Variants in SFI1 observed in about 807,000 individuals in gnomAD.
The protein encoded by SFI1 is protein SFI1 homolog.
SFI1 carries 195 observed loss-of-function variants against 207.5 expected under a neutral mutation model. The observed-to-expected ratio is 0.94, with a 90% CI of 0.84 to 1.06. The LOEUF is 1.06. Among genes scored for constraint, SFI1 ranks in the 50% least tolerant of loss-of-function variants. The pLI, the probability that SFI1 is intolerant of heterozygous loss-of-function variation, is 0.00. For missense variants in SFI1, 1,634 were observed against 1,588.0 expected, an observed-to-expected ratio of 1.03 and a Z score of -0.49; for synonymous variants, 630 against 598.9, an observed-to-expected ratio of 1.05 and a Z score of -0.76.
chr22:31,511,464 G>GTTTT (rs758898165), intron 2 of SFI1, among the ~76,000 whole-genome samples: 16,115 of 113,120 alleles, frequency 0.14, 1,831 homozygotes, highest in East Asian at 0.29. Flanking sequence ...CATAGTTTCT[G>GTTTT]TTTTTTTTTT....
Position 31,616,560 on chromosome 22 carries a change from CCT to C in SFI1, c.3301-184_3301-183del, listed in dbSNP as rs1238657325. 4.6e-5 allele frequency: 27 copies of C among 587,720 alleles called. 1 individual carries two copies. The South Asian group carries it at 6.6e-4, about 14-fold the overall frequency. The allele number at this position is 587,720 out of a possible 1,614,324, so 36.4% of individuals were successfully genotyped here. ...GGGACTTTCCCCTACAGTACCAGGC[CCT>C]GTGTGCAGGGGCAGGCTAGACACTG... is the stretch of plus-strand genomic sequence containing the variant. On this transcript the variant is annotated intron_variant, in intron 29 of 32. Transcript: ENST00000400288.
In SFI1 at chr22:31,618,420, G is replaced by A. The variant is rs775314748; in HGVS notation, c.*2G>A. Reference sequence around the variant, plus strand: ...GCCCTGCGGCAGGCCCTGTGCTAGCGTGTTCGCACCAGGAACGCAGGTGCT... The same window carrying A: ...GCCCTGCGGCAGGCCCTGTGCTAGCATGTTCGCACCAGGAACGCAGGTGCT... On this transcript the variant is annotated 3_prime_UTR_variant, in exon 33 of 33. Transcript: ENST00000400288. The A allele has an allele frequency of 3.6e-5, 56 of 1,567,366 alleles. No homozygotes were observed. In the Admixed American group the frequency reaches 4.5e-4, roughly 13 times the overall value.
In SFI1 at chr22:31,530,793, T is replaced by C. The variant is rs2058444828; in HGVS notation, c.267-265T>C. ...AACAAAAGAATTATTATGTACTTCC[T>C]GTACCTCATTTTTGAAGTTTTTAAT... is the stretch of plus-strand genomic sequence containing the variant. On this transcript the variant is annotated intron_variant, in intron 3 of 32. Transcript: ENST00000400288. 1.0e-5 allele frequency: 5 copies of C among 482,078 alleles called. No homozygotes were observed. In the South Asian group the frequency reaches 1.1e-4, roughly 10 times the overall value. The allele number at this position is 482,078 out of a possible 1,614,324, so 29.9% of individuals were successfully genotyped here.
chr22:31,589,617 T>G, intron 15 of SFI1, 40 bp downstream of exon 15: 1 of 1,581,930 alleles, frequency 6.3e-7, no homozygotes, highest in South Asian at 1.2e-5. Context: ...GGCAGGTGTT[T>G]CAAATCTAAC....
intron 2 of SFI1, among the ~76,000 whole-genome samples, chr22:31,524,827 C>T (rs2057721444): frequency 6.6e-6 from 1 of 150,888 alleles, no homozygotes; most frequent in Admixed American, 6.7e-5. Flanking sequence ...TGGAGTCTTA[C>T]TCTGTCACCC....
intron 1 of SFI1, among the ~76,000 whole-genome samples, chr22:31,503,489 G>A: frequency 6.6e-6 from 1 of 151,386 alleles, no homozygotes; most frequent in Non-Finnish European, 1.5e-5. Flanking sequence ...TAACCTTATG[G>A]TTCGTTCCTT....
chr22:31,518,597 C>T (rs543733050), intron 2 of SFI1, among the ~76,000 whole-genome samples: 1 of 152,214 alleles, frequency 6.6e-6, no homozygotes, highest in South Asian at 2.1e-4. Flanking sequence ...CTTTGATCTT[C>T]TCTGTTATGT....
chr22:31,549,822 A>G (rs2060462381), intron 5 of SFI1, among the ~76,000 whole-genome samples: 1 of 150,926 alleles, frequency 6.6e-6, no homozygotes, highest in Non-Finnish European at 1.5e-5. Flanking sequence ...GCTTTGGTGC[A>G]GATATGGCTT....
rs1376550271 is a variant in SFI1 at position 31,613,707 on chromosome 22, A to G, written c.2848A>G (p.Ser950Gly). The part of the protein sequence containing the change: ...KPQPLAAIAP[S>G]RKVTFEGPLL... ...TCAGCCCCTGGCAGCCATCGCACCC[A>G]GCAGGAAAGTGACGTTTGAGGGTCC... Residue 950 changes from serine (S) to glycine (G), a missense_variant, in exon 27 of 33, where the codon AGC becomes GGC. By Grantham distance (56) the Ser-to-Gly change is moderately conservative (BLOSUM62 0). Transcript: ENST00000400288. The G allele has an allele frequency of 1.2e-6, 2 of 1,612,886 alleles. No individual in the cohort carries two copies. Among genetic ancestry groups the G allele is most frequent in the Non-Finnish European group, 1.7e-6 (2 of 1,179,840 alleles).
rs144667924 is a variant in SFI1, at chr22:31,503,791, G to A, written c.-30-4464G>A. On this transcript the variant is annotated intron_variant, in intron 1 of 32. Coordinates refer to ENST00000400288, the MANE Select transcript of SFI1 (RefSeq NM_001007467.3). ...TTAAGTAGAGACAGGGTTTCACCAC[G>A]TTAGTCAGGCTGGTGGCGACCTCCT... is the stretch of plus-strand genomic sequence containing the variant. 9.9e-3 allele frequency among the ~76,000 whole-genome samples: 1,473 copies of A among 148,266 alleles called. 7 individuals are homozygous for A. The highest frequency in any genetic ancestry group is 0.031 in the Middle Eastern group (9 of 292).
At chr22:31,528,574 G>A (rs929183513) in intron 2 of SFI1, 116 bp from the exon 3 acceptor site, 1 of 899,260 alleles carries the variant, frequency 1.1e-6, no homozygotes, top group African/African-American at 1.7e-5. Context: ...TGCAGCATAG[G>A]TATTGTCAGT....
At chr22:31,558,014 T>C (rs1569304607) in intron 7 of SFI1, among the ~76,000 whole-genome samples, 1 of 152,190 alleles carries the variant, frequency 6.6e-6, no homozygotes, top group African/African-American at 2.4e-5. Flanking sequence ...GAACAAAGTA[T>C]GGATAATAGG....
chr22:31,557,213 C>T (rs1169606935), intron 7 of SFI1, among the ~76,000 whole-genome samples, 154 bp downstream of exon 7: 8 of 152,188 alleles, frequency 5.3e-5, no homozygotes, highest in Non-Finnish European at 1.2e-4. Context: ...GGGTCTTACT[C>T]TGTCACCCAG....
At chr22:31,531,264 C>T (rs1267542324) in intron 4 of SFI1, 135 bp downstream of exon 4, 4 of 645,940 alleles carry the variant, frequency 6.2e-6, no homozygotes, top group Non-Finnish European at 1.1e-5. Flanking sequence ...AGAAGCAGTC[C>T]CTAATATAAC....
intron 14 of SFI1, 49 bp from the exon 15 acceptor site, chr22:31,589,398 T>TA: frequency 1.4e-6 from 2 of 1,466,702 alleles, no homozygotes; most frequent in Non-Finnish European, 1.8e-6. Flanking sequence ...GAGGTCATGT[T>TA]TAAAAAAAAA....
intron 1 of SFI1, among the ~76,000 whole-genome samples, chr22:31,498,461 G>C (rs549497748): frequency 4.4e-4 from 67 of 152,016 alleles, no homozygotes; most frequent in African/African-American, 1.6e-3. Context: ...TTCCAGCCTG[G>C]CCAACTTGAA....
chr22:31,540,082 G>C (rs1224217195), intron 4 of SFI1, among the ~76,000 whole-genome samples: 1 of 142,482 alleles, frequency 7.0e-6, no homozygotes, highest in Middle Eastern at 3.9e-3. Flanking sequence ...TTTTGGGGCA[G>C]ATTTCACCAG....
At chr22:31,554,162 C>T (rs1057002895) in intron 6 of SFI1, among the ~76,000 whole-genome samples, 5 of 151,940 alleles carry the variant, frequency 3.3e-5, no homozygotes, top group Non-Finnish European at 7.4e-5. Context: ...CATATCCTAT[C>T]TTAGATGTCA....
intron 7 of SFI1, 61 bp downstream of exon 7, chr22:31,557,120 G>T: frequency 9.8e-7 from 1 of 1,022,888 alleles, no homozygotes; most frequent in South Asian, 1.6e-5. Flanking sequence ...CAGCTTTATG[G>T]TGCTGGAAAA....
Sources: gnomAD v4.1 joint callset for allele counts (sites outside exome capture counted in the v4.1 genomes callset) on GRCh38, gnomAD v4.1.1 for gene constraint, MANE v1.5 for transcripts, NCBI Gene and HGNC (gene_info 2026-07-23, HGNC 2026-07-21) for gene names.